The following MAGI2 variants were observed in gnomAD, a reference collection of about 807,000 sequenced individuals.
The protein encoded by MAGI2 is membrane associated guanylate kinase, WW and PDZ domain containing 2.
In MAGI2, 35 loss-of-function variants were observed where a neutral mutation model predicts 133.3. The observed-to-expected ratio is 0.26, with a 90% CI of 0.20 to 0.35. The LOEUF (loss-of-function observed/expected upper bound fraction) is 0.35. Among genes scored for constraint, MAGI2 ranks in the 10% least tolerant of loss-of-function variants. MAGI2 has a pLI of 1.00. For synonymous variants in MAGI2, 729 were observed against 710.6 expected (o/e 1.03, Z -0.41); for missense variants, 1,636 against 1,863.4 (o/e 0.88, Z 2.25).
chr7:78,922,148 T>A (rs1043649860), intron 2 of MAGI2, among the ~76,000 whole-genome samples: 4 of 87,314 alleles, frequency 4.6e-5, no homozygotes, highest in African/African-American at 1.9e-4. Context: ...TTTCTTTCTT[T>A]ATTTTTTATT....
intron 2 of MAGI2, among the ~76,000 whole-genome samples, chr7:78,840,469 G>A (rs1011941277): frequency 2.0e-5 from 3 of 151,944 alleles, no homozygotes; most frequent in African/African-American, 7.2e-5. Flanking sequence ...CCTGTGAATG[G>A]GACTTTCTAA....
intron 2 of MAGI2, among the ~76,000 whole-genome samples, chr7:78,690,019 A>G (rs527786999): frequency 6.6e-6 from 1 of 152,334 alleles, no homozygotes; most frequent in African/African-American, 2.4e-5. Flanking sequence ...ATAATTGGGT[A>G]TGAAATCATG....
At chr7:78,054,589 C>CTTT (rs3972364) in intron 21 of MAGI2, among the ~76,000 whole-genome samples, 2,741 of 141,800 alleles carry the variant, frequency 0.019, 101 homozygotes, top group African/African-American at 0.069. Context: ...CATAGGCATA[C>CTTT]TTTTTTTTTT....
At chr7:78,535,122 A>G (rs1797778881) in intron 3 of MAGI2, among the ~76,000 whole-genome samples, 1 of 152,130 alleles carries the variant, frequency 6.6e-6, no homozygotes, top group African/African-American at 2.4e-5. Flanking sequence ...ACAGAGCGAG[A>G]CTCCATCTCA....
chr7:78,955,509 A>AG lies in MAGI2; in HGVS notation c.418+51580_418+51581insC, dbSNP rs199767416. On this transcript the variant is annotated intron_variant, in intron 2 of 21. Transcript: ENST00000354212. The stretch of plus-strand genomic sequence containing the variant: ...ATGAATTGTCTGAAGTCGGAAAAAA[A>AG]TAAGACTCCCTTCTTTGGTGAAAAC... Among the ~76,000 whole-genome samples, 1,393 of 152,252 alleles carry AG rather than the reference A, an allele frequency of 9.1e-3. 17 individuals are homozygous for AG. Among genetic ancestry groups the AG allele is most frequent in the African/African-American group, 0.029 (1,204 of 41,564 alleles).
At chr7:79,055,091 G>C (rs1813025985) in intron 1 of MAGI2, among the ~76,000 whole-genome samples, 1 of 152,216 alleles carries the variant, frequency 6.6e-6, no homozygotes, top group Non-Finnish European at 1.5e-5. Flanking sequence ...ACCATGTCCG[G>C]CCTCCTTGCC....
chr7:78,543,046 G>A (rs1053723902), intron 3 of MAGI2, among the ~76,000 whole-genome samples: 1 of 152,176 alleles, frequency 6.6e-6, no homozygotes, highest in East Asian at 1.9e-4. Flanking sequence ...CCAAACTGAT[G>A]ATCTCATGAT....
intron 6 of MAGI2, among the ~76,000 whole-genome samples, chr7:78,419,090 G>A (rs1017706221): frequency 1.3e-5 from 2 of 152,094 alleles, no homozygotes; most frequent in Non-Finnish European, 2.9e-5. Flanking sequence ...GTGAATTACT[G>A]CATATGCAAT....
At chr7:78,980,099 T>C (rs147472676) in intron 2 of MAGI2, among the ~76,000 whole-genome samples, 1,726 of 151,706 alleles carry the variant, frequency 0.011, 25 homozygotes, top group African/African-American at 0.037. Flanking sequence ...ACTACCTAGG[T>C]GTAAATTCTG....
chr7:78,207,080 G>T (rs908861998), intron 10 of MAGI2, among the ~76,000 whole-genome samples: 7 of 151,796 alleles, frequency 4.6e-5, no homozygotes, highest in South Asian at 4.2e-4. Context: ...TGAAAAGAGA[G>T]AACAAAAGTG....
At chr7:78,655,980 C>CAAAAAAA (rs774125665) in intron 2 of MAGI2, among the ~76,000 whole-genome samples, 25 of 60,716 alleles carry the variant, frequency 4.1e-4, no homozygotes, top group East Asian at 7.2e-4. Flanking sequence ...GACTCCGTCT[C>CAAAAAAA]AAAAAAAAAA....
chr7:78,346,417 C>T (rs1386336917), intron 7 of MAGI2, among the ~76,000 whole-genome samples: 1 of 152,130 alleles, frequency 6.6e-6, no homozygotes. Flanking sequence ...AGAGCATCAC[C>T]TGAGCTTTGC....
chr7:78,064,026 C>A (rs1813555134), intron 21 of MAGI2, among the ~76,000 whole-genome samples: 1 of 152,132 alleles, frequency 6.6e-6, no homozygotes, highest in Non-Finnish European at 1.5e-5. Flanking sequence ...TTGACTCAGG[C>A]CTCCTCATCC....
chr7:78,830,020 G>C (rs1198498632), intron 2 of MAGI2, among the ~76,000 whole-genome samples: 3 of 151,840 alleles, frequency 2.0e-5, no homozygotes, highest in African/African-American at 4.8e-5. Flanking sequence ...TTTACTTTTT[G>C]TAAAATATTT....
intron 1 of MAGI2, among the ~76,000 whole-genome samples, chr7:79,224,874 C>T (rs1830714643): frequency 6.6e-6 from 1 of 152,142 alleles, no homozygotes; most frequent in Non-Finnish European, 1.5e-5. Context: ...TGGAAATGTT[C>T]TTTGATTGTG....
At chr7:79,437,017 G>C (rs1563222540) in intron 1 of MAGI2, among the ~76,000 whole-genome samples, 1 of 152,088 alleles carries the variant, frequency 6.6e-6, no homozygotes, top group South Asian at 2.1e-4. Context: ...ATGCAGCCAT[G>C]AAAATAACAC....
At chr7:78,827,479 G>T (rs186526283) in intron 2 of MAGI2, among the ~76,000 whole-genome samples, 94 of 152,108 alleles carry the variant, frequency 6.2e-4, no homozygotes, top group African/African-American at 2.1e-3. Flanking sequence ...GGTCTTGTAT[G>T]TTGCCTAGGC....
rs1299405306 is a variant in MAGI2 at position 78,281,304 on chromosome 7, T to C, written c.1409-24723A>G. ...CAAAATCTCATCTTGAATTGTAATC[T>C]CCATAATCCCCACATGTCAAGGGAG... On this transcript the variant is annotated intron_variant, in intron 9 of 21. Transcript: ENST00000354212. 3.3e-5 allele frequency among the ~76,000 whole-genome samples: 5 copies of C among 152,158 alleles called. No individual in the cohort carries two copies. In the East Asian group the frequency reaches 9.6e-4, roughly 29 times the overall value.
intron 6 of MAGI2, among the ~76,000 whole-genome samples, chr7:78,472,080 G>A (rs1352406307): frequency 6.6e-6 from 1 of 152,060 alleles, no homozygotes; most frequent in Non-Finnish European, 1.5e-5. Flanking sequence ...CCTCTCTGTA[G>A]TCACATGGCT....
Sources: allele counts gnomAD v4.1 joint callset (sites outside exome capture counted in the v4.1 genomes callset), GRCh38; gene constraint gnomAD v4.1.1; transcripts MANE v1.5; gene names NCBI Gene and HGNC (gene_info 2026-07-23, HGNC 2026-07-21).